Variants in SH2D4A observed in about 807,000 individuals in gnomAD.
SH2D4A encodes SH2 domain containing 4A.
A neutral mutation model predicts 64.7 loss-of-function variants in SH2D4A; 70 were observed. The ratio of observed to expected loss-of-function variants is 1.08; its 90% confidence interval spans 0.89 to 1.32. SH2D4A has a LOEUF of 1.32. Among genes scored for constraint, SH2D4A ranks in the 40% most tolerant of loss-of-function variants. The probability of loss-of-function intolerance (pLI) is 0.00; values close to 1 mark genes in which losing one functional copy is unlikely to be tolerated. For synonymous variants in SH2D4A, 268 were observed against 200.7 expected (o/e 1.34, Z -2.83); for missense variants, 706 against 540.1 (o/e 1.31, Z -3.04).
intron 2 of SH2D4A, among the ~76,000 whole-genome samples, chr8:19,326,204 C>G (rs1019161588): frequency 6.6e-6 from 1 of 152,218 alleles, no homozygotes; most frequent in Non-Finnish European, 1.5e-5. Flanking sequence ...GCCTCAACTT[C>G]CTCATTGCAA....
In SH2D4A at chr8:19,383,487, G is replaced by C. The variant is rs189318088; in HGVS notation, c.1048+9827G>C. ...GATCTGTCATTGGGTCTTTTTCAGT[G>C]ACAGTTTCTGATTTGTTTTCCTTTG... On this transcript the variant is annotated intron_variant, in intron 8 of 9. Transcript: ENST00000265807. 5.3e-4 allele frequency among the ~76,000 whole-genome samples: 80 copies of C among 151,444 alleles called. 1 individual carries two copies. In the East Asian group the frequency reaches 0.015, roughly 28 times the overall value.
At chr8:19,364,713 C>T (rs1458258126) in intron 7 of SH2D4A, among the ~76,000 whole-genome samples, 1 of 152,162 alleles carries the variant, frequency 6.6e-6, no homozygotes, top group African/African-American at 2.4e-5. Context: ...GGCTTGCTGA[C>T]TTTCGTGTGA....
At chr8:19,393,293 C>A (rs750813157) in intron 8 of SH2D4A, 25 bp from the exon 9 acceptor site, 2 of 1,610,370 alleles carry the variant, frequency 1.2e-6, no homozygotes, top group Middle Eastern at 1.7e-4. Flanking sequence ...GGCTGAAATA[C>A]CTGCCTTTTT....
intron 4 of SH2D4A, among the ~76,000 whole-genome samples, chr8:19,335,702 G>C (rs1253363104): frequency 1.3e-5 from 2 of 152,156 alleles, no homozygotes; most frequent in African/African-American, 4.8e-5. Context: ...CTAAACATCA[G>C]TGCCTGTTGG....
At chr8:19,323,484 G>A (rs1231136174) in intron 2 of SH2D4A, among the ~76,000 whole-genome samples, 3 of 151,190 alleles carry the variant, frequency 2.0e-5, no homozygotes, top group East Asian at 2.0e-4. Flanking sequence ...AAATTCTAGC[G>A]ATTCTCCTTT....
intron 4 of SH2D4A, among the ~76,000 whole-genome samples, chr8:19,342,690 CTTA>C (rs1401491289): frequency 6.6e-6 from 1 of 152,184 alleles, no homozygotes; most frequent in Admixed American, 6.5e-5. Flanking sequence ...TCAGGTCCCT[CTTA>C]TTATCTGCCC....
chr8:19,334,145 AC>A (rs1367828050), intron 3 of SH2D4A, among the ~76,000 whole-genome samples: 1 of 152,046 alleles, frequency 6.6e-6, no homozygotes, highest in East Asian at 1.9e-4. Context: ...TGACAGCCTT[AC>A]CCTGAGGTGG....
chr8:19,391,459 C>T (rs1046128818), intron 8 of SH2D4A, among the ~76,000 whole-genome samples: 5 of 152,094 alleles, frequency 3.3e-5, no homozygotes, highest in South Asian at 4.1e-4. Flanking sequence ...GTGCATCAGT[C>T]GTCTGCTGGG....
intron 8 of SH2D4A, among the ~76,000 whole-genome samples, chr8:19,381,421 G>A (rs571565615): frequency 2.0e-4 from 30 of 152,132 alleles, no homozygotes; most frequent in Non-Finnish European, 4.0e-4. Context: ...TCTTTTTGAT[G>A]ATAATGTAAA....
intron 7 of SH2D4A, among the ~76,000 whole-genome samples, chr8:19,370,119 C>G (rs1192930645): frequency 1.3e-5 from 2 of 151,904 alleles, no homozygotes; most frequent in Non-Finnish European, 2.9e-5. Context: ...AGTTTTCCTC[C>G]TATTACTGAT....
chr8:19,363,832 C>G (rs536979357), intron 6 of SH2D4A: 125 of 534,894 alleles, frequency 2.3e-4, no homozygotes, highest in Non-Finnish European at 3.5e-4. Context: ...TCTTCCTCCT[C>G]TTCCTTTTCT....
chr8:19,339,988 A>T (rs560541929), intron 4 of SH2D4A, among the ~76,000 whole-genome samples: 4 of 152,164 alleles, frequency 2.6e-5, no homozygotes, highest in Non-Finnish European at 4.4e-5. Flanking sequence ...ATCACATAAC[A>T]TATAATTTCA....
At chr8:19,357,358 T>C in intron 5 of SH2D4A, 75 bp downstream of exon 5, 2 of 1,048,678 alleles carry the variant, frequency 1.9e-6, no homozygotes, top group Non-Finnish European at 2.9e-6. Flanking sequence ...GATTAGTTAA[T>C]TAATCTCATG....
At chr8:19,367,541 T>C (rs780588158) in intron 7 of SH2D4A, among the ~76,000 whole-genome samples, 44 of 152,350 alleles carry the variant, frequency 2.9e-4, no homozygotes, top group African/African-American at 3.6e-4. Flanking sequence ...GTATGTCTTC[T>C]TTTGAGAAAT....
At chr8:19,329,275 C>G (rs940066129) in intron 2 of SH2D4A, among the ~76,000 whole-genome samples, 2 of 152,186 alleles carry the variant, frequency 1.3e-5, no homozygotes, top group African/African-American at 4.8e-5. Context: ...CCTCACTGGA[C>G]TTAGTAGAAA....
At chr8:19,369,789 GCA>G (rs1275524667) in intron 7 of SH2D4A, among the ~76,000 whole-genome samples, 1 of 151,726 alleles carries the variant, frequency 6.6e-6, no homozygotes, top group Non-Finnish European at 1.5e-5. Context: ...TTCATATTTT[GCA>G]CAGTTCTGTA....
At chr8:19,329,509 A>G (rs969456136) in intron 2 of SH2D4A, among the ~76,000 whole-genome samples, 1 of 152,136 alleles carries the variant, frequency 6.6e-6, no homozygotes, top group Non-Finnish European at 1.5e-5. Context: ...GGACTACTAG[A>G]ATGTTAGTTT....
At chr8:19,380,044 TTCTC>T (rs919451302) in intron 8 of SH2D4A, among the ~76,000 whole-genome samples, 1 of 152,134 alleles carries the variant, frequency 6.6e-6, no homozygotes, top group Non-Finnish European at 1.5e-5. Flanking sequence ...TATCCTTTTT[TTCTC>T]TCTCTCTTTC....
At chr8:19,393,852 C>T (rs1190684618) in intron 9 of SH2D4A, among the ~76,000 whole-genome samples, 5 of 152,190 alleles carry the variant, frequency 3.3e-5, no homozygotes, top group African/African-American at 1.2e-4. Context: ...CTTTGTGACA[C>T]CAGTTTCCTG....
Sources: gnomAD v4.1 joint callset for allele counts (sites outside exome capture counted in the v4.1 genomes callset) on GRCh38, gnomAD v4.1.1 for gene constraint, MANE v1.5 for transcripts, NCBI Gene and HGNC (gene_info 2026-07-23, HGNC 2026-07-21) for gene names.